The following FIG4 variants were observed in gnomAD, a reference collection of about 807,000 sequenced individuals.
The protein encoded by FIG4 is FIG4 phosphoinositide 5-phosphatase.
In FIG4, 112 loss-of-function variants were observed where a neutral mutation model predicts 118.6. That is an observed-to-expected ratio of 0.94 (90% CI 0.81 to 1.11). The LOEUF is 1.11. Among genes scored for constraint, FIG4 ranks in the 50% least tolerant of loss-of-function variants. The probability of loss-of-function intolerance (pLI) is 0.00; values close to 1 mark genes in which losing one functional copy is unlikely to be tolerated. For synonymous variants in FIG4, 369 were observed against 381.2 expected (o/e 0.97, Z 0.37); for missense variants, 969 against 1,111.7 (o/e 0.87, Z 1.83).
intron 16 of FIG4, among the ~76,000 whole-genome samples, chr6:109,783,043 T>A (rs1777851431): frequency 6.6e-6 from 1 of 152,172 alleles, no homozygotes; most frequent in Non-Finnish European, 1.5e-5. Flanking sequence ...TGTTCTCACT[T>A]AAAAGTGGGA....
chr6:109,762,295 T>C, intron 12 of FIG4, 88 bp downstream of exon 12: 1 of 818,868 alleles, frequency 1.2e-6, no homozygotes, highest in Middle Eastern at 2.6e-4. Context: ...TACTTGGAAA[T>C]TGGATGAATT....
chr6:109,703,881 A>G (rs1403977580), intron 1 of FIG4, among the ~76,000 whole-genome samples: 1 of 152,006 alleles, frequency 6.6e-6, no homozygotes, highest in African/African-American at 2.4e-5. Flanking sequence ...ATTCCTCCCA[A>G]TCTTCTCAGC....
intron 1 of FIG4, among the ~76,000 whole-genome samples, chr6:109,694,688 C>T (rs549949168): frequency 3.9e-4 from 60 of 152,078 alleles, no homozygotes; most frequent in Non-Finnish European, 7.9e-4. Flanking sequence ...AACTCTTCAT[C>T]CAAGAAGGGA....
chr6:109,698,189 G>GT (rs56943757), intron 1 of FIG4, among the ~76,000 whole-genome samples: 7,782 of 145,038 alleles, frequency 0.054, 371 homozygotes, highest in East Asian at 0.17. Context: ...TGCCTGGCCT[G>GT]TTTTTTTTTT....
intron 22 of FIG4, among the ~76,000 whole-genome samples, chr6:109,815,865 G>T (rs371826213): frequency 6.6e-6 from 1 of 151,872 alleles, no homozygotes; most frequent in East Asian, 1.9e-4. Context: ...TAGATTATGG[G>T]GGGGGGCACT....
intron 22 of FIG4, among the ~76,000 whole-genome samples, chr6:109,811,631 G>A (rs1160121296): frequency 6.6e-6 from 1 of 152,188 alleles, no homozygotes; most frequent in East Asian, 1.9e-4. Flanking sequence ...GGGCCCTTCT[G>A]TTTTAGAGTG....
intron 22 of FIG4, among the ~76,000 whole-genome samples, chr6:109,801,004 A>C (rs1256962693): frequency 3.9e-5 from 6 of 152,158 alleles, no homozygotes; most frequent in Non-Finnish European, 8.8e-5. Flanking sequence ...TTCGTGCAAG[A>C]CCAACACGTT....
intron 22 of FIG4, among the ~76,000 whole-genome samples, chr6:109,807,245 A>C (rs773290770): frequency 2.6e-5 from 4 of 152,140 alleles, no homozygotes; most frequent in Non-Finnish European, 5.9e-5. Context: ...AAGTGTTTCT[A>C]TTTCTCCACA....
At position 109,765,069 on chromosome 6, in the gene FIG4, GT is replaced by G; in HGVS notation, c.1494del (p.Phe498LeufsTer17). ...DCLDRTNTAQ[F>X]MVGKCALAYQ... ...GTTTAGATCGCACCAACACAGCACA[GT>G]TTATGGTGGGAAAATGTGCTCTGGC... is the stretch of plus-strand genomic sequence containing the variant. On this transcript the variant is annotated frameshift_variant, in exon 14 of 23. Coordinates refer to ENST00000230124, the MANE Select transcript of FIG4 (RefSeq NM_014845.6). LOFTEE classifies it high-confidence loss of function. The G allele has an allele frequency of 1.1e-5, 17 of 1,613,448 alleles. No individual in the cohort carries two copies. Among genetic ancestry groups the G allele is most frequent in the Non-Finnish European group, 1.4e-5 (17 of 1,179,398 alleles).
intron 1 of FIG4, among the ~76,000 whole-genome samples, chr6:109,699,581 C>G (rs1041018371): frequency 6.6e-6 from 1 of 150,558 alleles, no homozygotes; most frequent in African/African-American, 2.4e-5. Context: ...CGGCTCACTG[C>G]AGCCTCTGCC....
Position 109,732,676 on chromosome 6 carries a change from T to C in FIG4, c.486T>C (p.Asn162=), listed in dbSNP as rs1013250564. The change falls in exon 5 of 23, where the codon AAT becomes AAC. Residue 162 remains asparagine (N), a synonymous_variant. Transcript: ENST00000230124. ...TTCAAAATGTGGACCTATCTAGCAA[T>C]TTTTACTTTAGGTAAGTGTGAGGTT... ...RIFQNVDLSS[N]FYFSYSYDLS... is the part of the protein sequence containing the mutation. The C allele has an allele frequency of 2.0e-6, 3 of 1,528,598 alleles. No individual in the cohort carries two copies. In the East Asian group the frequency reaches 6.8e-5, roughly 34 times the overall value. 94.7% of individuals were successfully genotyped at this position (1,528,598 alleles called of 1,614,324 possible).
At chr6:109,814,849 T>G (rs1233396888) in intron 22 of FIG4, among the ~76,000 whole-genome samples, 1 of 152,154 alleles carries the variant, frequency 6.6e-6, no homozygotes, top group Non-Finnish European at 1.5e-5. Context: ...TTATTTTTAG[T>G]GGAAAATGAC....
intron 3 of FIG4, among the ~76,000 whole-genome samples, chr6:109,724,113 G>C (rs761345011): frequency 7.9e-5 from 12 of 152,062 alleles, no homozygotes; most frequent in Non-Finnish European, 1.8e-4. Flanking sequence ...TTTAAGGCGG[G>C]GGGTGGGAGG....
chr6:109,750,883 G>GTTGAT (rs1461357325), intron 10 of FIG4, among the ~76,000 whole-genome samples: 40 of 152,156 alleles, frequency 2.6e-4, no homozygotes, highest in African/African-American at 9.2e-4. Flanking sequence ...TGTTTCCCTA[G>GTTGAT]TTGATTTTAA....
chr6:109,805,337 C>T (rs944436811), intron 22 of FIG4, among the ~76,000 whole-genome samples: 15 of 152,292 alleles, frequency 9.8e-5, no homozygotes, highest in African/African-American at 3.4e-4. Flanking sequence ...ACCATGATTT[C>T]CTGATTTGCA....
intron 1 of FIG4, chr6:109,701,736 C>G (rs1254164189): frequency 4.2e-6 from 2 of 471,456 alleles, no homozygotes; most frequent in Non-Finnish European, 8.8e-6. Context: ...AGGAAATGCA[C>G]CTTTCTTAAT....
Position 109,795,095 on chromosome 6 carries a change from G to GTTTTTTTTTTTTTT in FIG4, c.2460-1643_2460-1630dup, listed in dbSNP as rs571649446. Among the ~76,000 whole-genome samples the GTTTTTTTTTTTTTT allele has an allele frequency of 8.7e-4, 50 of 57,250 alleles. 17 individuals carry two copies. Among genetic ancestry groups the GTTTTTTTTTTTTTT allele is most frequent in the Non-Finnish European group, 1.5e-3 (44 of 28,708 alleles). 37.6% of individuals were successfully genotyped at this position (57,250 alleles called of 152,430 possible). On this transcript the variant is annotated intron_variant, in intron 21 of 22. Transcript: ENST00000230124. ...TCCTCAAAGCTTCATACACTTGCCAGTTTTTTTTTTTTTTTTTTTTTTTTT... is the reference window on the plus strand; with the variant it reads ...TCCTCAAAGCTTCATACACTTGCCAGTTTTTTTTTTTTTTTTTTTTTTTTTTTTTTTTTTTTTTT...
intron 1 of FIG4, among the ~76,000 whole-genome samples, chr6:109,707,368 T>A (rs934358503): frequency 7.7e-6 from 1 of 130,416 alleles, no homozygotes; most frequent in African/African-American, 3.3e-5. Context: ...TATACGTGTA[T>A]ATATATATAC....
chr6:109,736,428 C>T (rs927003765), intron 6 of FIG4, among the ~76,000 whole-genome samples: 4 of 152,112 alleles, frequency 2.6e-5, no homozygotes, highest in Non-Finnish European at 2.9e-5. Flanking sequence ...CTCCCTACTC[C>T]CAGATCATTA....
Sources: gnomAD v4.1 joint callset for allele counts (sites outside exome capture counted in the v4.1 genomes callset) on GRCh38, gnomAD v4.1.1 for gene constraint, MANE v1.5 for transcripts, NCBI Gene and HGNC (gene_info 2026-07-23, HGNC 2026-07-21) for gene names.